The following COQ10B variants were observed in gnomAD, a reference collection of about 807,000 sequenced individuals.
The protein encoded by COQ10B is coenzyme Q-binding protein COQ10 homolog B, mitochondrial.
COQ10B carries 12 observed loss-of-function variants against 27.6 expected under a neutral mutation model. The ratio of observed to expected loss-of-function variants is 0.43; its 90% confidence interval spans 0.28 to 0.70. The LOEUF (loss-of-function observed/expected upper bound fraction) is 0.70. Among genes scored for constraint, COQ10B ranks in the 30% least tolerant of loss-of-function variants. COQ10B has a pLI of 0.17. For synonymous variants in COQ10B, 115 were observed against 103.0 expected (o/e 1.12, Z -0.71); for missense variants, 278 against 288.7 (o/e 0.96, Z 0.27).
chr2:197,456,566 C>T lies in COQ10B; in HGVS notation c.104+2902C>T, dbSNP rs189744409. On this transcript the variant is annotated intron_variant, in intron 1 of 4. Transcript: ENST00000263960. The stretch of plus-strand genomic sequence containing the variant: ...GATCACAAGGTCAGGAGATCGAGAC[C>T]ATCCTGGCTAACACAGTGAAACCCC... 8.6e-3 allele frequency among the ~76,000 whole-genome samples: 1,298 copies of T among 151,500 alleles called. 14 individuals are homozygous for T. The highest frequency in any genetic ancestry group is 0.038 in the South Asian group (181 of 4,786).
In COQ10B at chr2:197,474,196, T is replaced by C; in HGVS notation, c.*272T>C. 1 of 261,340 alleles carries C rather than the reference T, an allele frequency of 3.8e-6. No homozygotes were observed. The highest frequency in any genetic ancestry group is 7.2e-6 in the Non-Finnish European group (1 of 139,656). 16.2% of individuals were successfully genotyped at this position (261,340 alleles called of 1,614,324 possible). A position where few individuals can be genotyped will look rare whatever the true frequency, so the allele number is the denominator to read the frequency against. Reference sequence around the variant, plus strand: ...CATTGCTAGAATACTGGCATGATTCTTCTGAGCAGAAGTTGAAACTGTAAA... The same window carrying C: ...CATTGCTAGAATACTGGCATGATTCCTCTGAGCAGAAGTTGAAACTGTAAA... On this transcript the variant is annotated 3_prime_UTR_variant, in exon 5 of 5. Transcript: ENST00000263960.
intron 1 of COQ10B, among the ~76,000 whole-genome samples, chr2:197,455,904 T>C (rs1429083001): frequency 6.6e-6 from 1 of 151,920 alleles, no homozygotes; most frequent in Non-Finnish European, 1.5e-5. Context: ...GGCTGCGGTG[T>C]GTCATGACTA....
At chr2:197,454,909 G>T (rs569147581) in intron 1 of COQ10B, among the ~76,000 whole-genome samples, 1 of 152,124 alleles carries the variant, frequency 6.6e-6, no homozygotes, top group Non-Finnish European at 1.5e-5. Context: ...TGGTCCAGTT[G>T]TCCAGTATTC....
intron 3 of COQ10B, among the ~76,000 whole-genome samples, chr2:197,465,061 A>G: frequency 6.6e-6 from 1 of 151,192 alleles, no homozygotes. Flanking sequence ...AATTTTTTAT[A>G]TTTTTAGTAG....
intron 2 of COQ10B, among the ~76,000 whole-genome samples, chr2:197,461,559 CTGTGTGTGTGTGTGTGTGTG>C (rs60261177): frequency 2.1e-5 from 3 of 139,868 alleles, no homozygotes; most frequent in East Asian, 2.2e-4. Flanking sequence ...CTGATTTAGT[CTGTGTGTGTGTGTGTGTGTG>C]TGTGTGTGTG....
In COQ10B at chr2:197,455,974, A is replaced by G. The variant is rs966259292; in HGVS notation, c.104+2310A>G. The stretch of plus-strand genomic sequence containing the variant: ...ACCCTGACTCAAACACAACAACAAC[A>G]ATAAAACAGAAGAATGGATAAAGAA... On this transcript the variant is annotated intron_variant, in intron 1 of 4. Coordinates refer to ENST00000263960, the MANE Select transcript of COQ10B (RefSeq NM_025147.5). 3.9e-5 allele frequency among the ~76,000 whole-genome samples: 6 copies of G among 152,212 alleles called. No homozygotes were observed. In the South Asian group the frequency reaches 6.2e-4, roughly 16 times the overall value.
intron 1 of COQ10B, chr2:197,454,217 T>G: frequency 7.7e-7 from 1 of 1,307,124 alleles, no homozygotes; most frequent in East Asian, 2.6e-5. Flanking sequence ...TCCTGTAACC[T>G]TGAAGCATAG....
intron 3 of COQ10B, among the ~76,000 whole-genome samples, chr2:197,463,097 A>G (rs963454543): frequency 1.3e-5 from 2 of 152,194 alleles, no homozygotes; most frequent in Non-Finnish European, 2.9e-5. Flanking sequence ...TGTTTACTAA[A>G]TATATAGTTT....
intron 4 of COQ10B, among the ~76,000 whole-genome samples, chr2:197,473,475 C>T (rs533033680): frequency 7.7e-4 from 89 of 116,072 alleles, no homozygotes; most frequent in Non-Finnish European, 1.1e-3. Flanking sequence ...TGTATATATA[C>T]ACGTATATAT....
chr2:197,456,258 G>A (rs1025209219), intron 1 of COQ10B, among the ~76,000 whole-genome samples: 1 of 152,042 alleles, frequency 6.6e-6, no homozygotes, highest in Non-Finnish European at 1.5e-5. Flanking sequence ...AAGGTCAAGA[G>A]ATCAAGACCA....
At chr2:197,458,257 A>G (rs2085721156) in intron 1 of COQ10B, among the ~76,000 whole-genome samples, 1 of 152,100 alleles carries the variant, frequency 6.6e-6, no homozygotes, top group Non-Finnish European at 1.5e-5. Context: ...ATGAGGTATT[A>G]AATGCTACTA....
chr2:197,459,749 T>G (rs1170616387), intron 1 of COQ10B, among the ~76,000 whole-genome samples, 183 bp from the exon 2 acceptor site: 2 of 143,100 alleles, frequency 1.4e-5, no homozygotes, highest in African/African-American at 5.1e-5. Context: ...GTTATTTTTG[T>G]TTTTTTTTTT....
In COQ10B at chr2:197,453,598, T is replaced by C; in HGVS notation, c.38T>C (p.Val13Ala). 6.2e-7 allele frequency: 1 copy of C among 1,613,550 alleles called. No individual in the cohort carries two copies. Among genetic ancestry groups the C allele is most frequent in the Non-Finnish European group, 8.5e-7 (1 of 1,179,882 alleles). Residue 13 changes from valine (V) to alanine (A), a missense_variant, in exon 1 of 5, where the codon GTA becomes GCA. Physicochemically the swap from Val to Ala is moderately conservative, Grantham distance 64 (BLOSUM62 0). Transcript: ENST00000263960. ...ARTGHTALRR[V>A]VSGCRPKSAT... ...ACTGGTCATACGGCCTTGAGAAGGGTAGTCTCGGGATGCCGTCCGAAGTCG... is the reference window on the plus strand; with the variant it reads ...ACTGGTCATACGGCCTTGAGAAGGGCAGTCTCGGGATGCCGTCCGAAGTCG...
intron 1 of COQ10B, chr2:197,453,976 A>G (rs1433750081): frequency 2.6e-6 from 4 of 1,550,736 alleles, no homozygotes; most frequent in East Asian, 2.4e-5. Flanking sequence ...GCTTGTTGCT[A>G]CTGCTGTTGG....
intron 3 of COQ10B, among the ~76,000 whole-genome samples, chr2:197,467,654 G>A (rs1191090979): frequency 3.9e-5 from 6 of 152,200 alleles, no homozygotes. Context: ...TGGGATTACA[G>A]GCATGAGCCA....
At chr2:197,459,110 T>C (rs961761564) in intron 1 of COQ10B, among the ~76,000 whole-genome samples, 5 of 152,208 alleles carry the variant, frequency 3.3e-5, no homozygotes, top group African/African-American at 4.8e-5. Flanking sequence ...CATATATGCA[T>C]TGAAATGGAG....
intron 3 of COQ10B, among the ~76,000 whole-genome samples, chr2:197,469,052 TCAGA>T (rs2085854819): frequency 6.6e-6 from 1 of 152,166 alleles, no homozygotes; most frequent in African/African-American, 2.4e-5. Flanking sequence ...TTTTATTTTT[TCAGA>T]CAGTGTCTGG....
chr2:197,472,224 C>G (rs1364054033), intron 4 of COQ10B, among the ~76,000 whole-genome samples: 1 of 151,684 alleles, frequency 6.6e-6, no homozygotes, highest in African/African-American at 2.4e-5. Flanking sequence ...AAACACAGTT[C>G]TCAAACCAGT....
chr2:197,459,791 G>A (rs2085736657), intron 1 of COQ10B, 141 bp from the exon 2 acceptor site: 3 of 491,814 alleles, frequency 6.1e-6, no homozygotes, highest in African/African-American at 4.1e-5. Flanking sequence ...CTTTTTCTGT[G>A]CCCGTGTGTG....
Sources: gnomAD v4.1 joint callset for allele counts (sites outside exome capture counted in the v4.1 genomes callset) on GRCh38, gnomAD v4.1.1 for gene constraint, MANE v1.5 for transcripts, NCBI Gene and HGNC (gene_info 2026-07-23, HGNC 2026-07-21) for gene names.